Variants in PCDHGA2 observed in about 807,000 individuals in gnomAD.
The protein encoded by PCDHGA2 is protocadherin gamma subfamily A, 2.
A neutral mutation model predicts 59.2 loss-of-function variants in PCDHGA2; 40 were observed. The observed-to-expected ratio is 0.68, with a 90% CI of 0.52 to 0.88. PCDHGA2 has a LOEUF of 0.88. Among genes scored for constraint, PCDHGA2 ranks in the 40% least tolerant of loss-of-function variants. PCDHGA2 has a pLI of 0.00. For synonymous variants in PCDHGA2, 560 were observed against 526.0 expected (o/e 1.06, Z -0.89); for missense variants, 1,226 against 1,204.0 (o/e 1.02, Z -0.27).
chr5:141,460,614 G>A (rs10058360), intron 1 of PCDHGA2, among the ~76,000 whole-genome samples: 42,418 of 151,914 alleles, frequency 0.28, 6,648 homozygotes, highest in African/African-American at 0.43. Flanking sequence ...TAGATGGATA[G>A]ATAGACAGAT....
At chr5:141,483,753 G>A (rs1316976446) in intron 1 of PCDHGA2, among the ~76,000 whole-genome samples, 1 of 152,082 alleles carries the variant, frequency 6.6e-6, no homozygotes, top group Non-Finnish European at 1.5e-5. Flanking sequence ...CCTGAGGATC[G>A]AGGCTTGGAA....
rs1326296096 is a variant in PCDHGA2, at chr5:141,505,460, A to G, written c.2551A>G (p.Met851Val). The change falls in exon 3 of 4, where the codon ATG becomes GTG. Residue 851 changes from methionine to valine, a missense_variant. Transcript: ENST00000394576. Reference protein sequence around the residue: ...NQFDTEMLQAMILASASEAAD... With the variant: ...NQFDTEMLQAVILASASEAAD... ...GTTTGACACAGAGATGCTGCAAGCC[A>G]TGATCTTGGCGTCCGCCAGTGGTAA... 2 of 1,614,070 alleles carry G rather than the reference A, an allele frequency of 1.2e-6. No homozygotes were observed. The highest frequency in any genetic ancestry group is 1.3e-5 in the African/African-American group (1 of 74,942).
At position 141,345,578 on chromosome 5, in the gene PCDHGA2, C is replaced by G. The variant is rs757613840; in HGVS notation, c.2424+4183C>G. 6 of 1,614,090 alleles carry G rather than the reference C, an allele frequency of 3.7e-6. No homozygotes were observed. The African/African-American group carries it at 8.0e-5, about 22-fold the overall frequency. ...TCAACTCCAACACTGGCGTCCTATA[C>G]GCGCTGAGATCCTTCGACTACGAGC... is the stretch of plus-strand genomic sequence containing the variant. On this transcript the variant is annotated intron_variant, in intron 1 of 3. Transcript: ENST00000394576.
chr5:141,414,965 C>T lies in PCDHGA2; in HGVS notation c.2424+73570C>T, dbSNP rs564450666. On this transcript the variant is annotated intron_variant, in intron 1 of 3. Coordinates refer to ENST00000394576, the MANE Select transcript of PCDHGA2 (RefSeq NM_018915.4). ...GGCTACCTGGTGACCAAGGTGGTGG[C>T]GGTGGACAGAGACTCCGGCCAGAAC... The T allele has an allele frequency of 7.9e-5, 127 of 1,613,962 alleles. No homozygotes were observed. The highest frequency in any genetic ancestry group is 7.7e-5 in the Non-Finnish European group (91 of 1,180,046).
chr5:141,339,632 G>A lies in PCDHGA2; in HGVS notation c.661G>A (p.Val221Met). 1 of 1,614,194 alleles carries A rather than the reference G, an allele frequency of 6.2e-7. No homozygotes were observed. Among genetic ancestry groups the A allele is most frequent in the South Asian group, 1.1e-5 (1 of 91,082 alleles). Residue 221 changes from valine to methionine, a missense_variant, in exon 1 of 4, where the codon GTG (valine) becomes ATG (methionine). Coordinates refer to ENST00000394576, the MANE Select transcript of PCDHGA2 (RefSeq NM_018915.4). ...CGTGGCTTCTGATGGGGGTGACCCAGTGCTATCTGGCACCTCCCGCATCTG... is the reference window on the plus strand; with the variant it reads ...CGTGGCTTCTGATGGGGGTGACCCAATGCTATCTGGCACCTCCCGCATCTG... Reference protein sequence around the residue: ...VLVASDGGDPVLSGTSRICVK... With the variant: ...VLVASDGGDPMLSGTSRICVK...
chr5:141,467,008 A>T (rs1319152720), intron 1 of PCDHGA2, among the ~76,000 whole-genome samples: 1 of 150,270 alleles, frequency 6.7e-6, no homozygotes, highest in African/African-American at 2.4e-5. Context: ...TTGCAATGCA[A>T]TTTTTTTCCC....
intron 1 of PCDHGA2, among the ~76,000 whole-genome samples, chr5:141,406,762 A>C (rs942707558): frequency 2.0e-5 from 3 of 152,238 alleles, no homozygotes; most frequent in Non-Finnish European, 4.4e-5. Context: ...CAAGGAATTA[A>C]AAATATTTCT....
chr5:141,418,576 C>T, intron 1 of PCDHGA2: 2 of 1,614,012 alleles, frequency 1.2e-6, no homozygotes, highest in South Asian at 1.1e-5. Flanking sequence ...ATGACAACCC[C>T]CCAGTGTTCA....
rs764987054 is a variant in PCDHGA2, at chr5:141,372,683, C to G, written c.2424+31288C>G. 9 of 1,613,826 alleles carry G rather than the reference C, an allele frequency of 5.6e-6. No homozygotes were observed. In the East Asian group the frequency reaches 1.8e-4, roughly 32 times the overall value. On this transcript the variant is annotated intron_variant, in intron 1 of 3. Transcript: ENST00000394576. ...GTGCTGCCTCACATTCCTCAAACACCGAGTTTAAATTTCTCAATATAAAGG... is the reference window on the plus strand; with the variant it reads ...GTGCTGCCTCACATTCCTCAAACACGGAGTTTAAATTTCTCAATATAAAGG...
At position 141,487,688 on chromosome 5, in the gene PCDHGA2, G is replaced by A. The variant is rs376927186; in HGVS notation, c.2425-7119G>A. On this transcript the variant is annotated intron_variant, in intron 1 of 3. Coordinates refer to ENST00000394576, the MANE Select transcript of PCDHGA2 (RefSeq NM_018915.4). The surrounding 1 kb of genome is among the most constrained non-coding windows in gnomAD (Gnocchi z 5.0). ...AGGCATATGGCTAGGCCATGTCCTA[G>A]AGAGTACTGGCCTCTCAGTAAGTGC... 6.2e-7 allele frequency: 1 copy of A among 1,604,966 alleles called. No homozygotes were observed.
intron 2 of PCDHGA2, among the ~76,000 whole-genome samples, chr5:141,495,233 A>G (rs1226612093): frequency 1.3e-5 from 2 of 152,196 alleles, no homozygotes; most frequent in African/African-American, 4.8e-5. Flanking sequence ...GCTGGGCTCC[A>G]TTATGACCTG....
chr5:141,442,052 G>T (rs2098295034), intron 1 of PCDHGA2: 1 of 197,576 alleles, frequency 5.1e-6, no homozygotes, highest in South Asian at 6.6e-5. Flanking sequence ...TACTGGTCGC[G>T]GTGCACTGCG....
chr5:141,418,045 G>C (rs754041387), intron 1 of PCDHGA2: 2 of 1,614,002 alleles, frequency 1.2e-6, no homozygotes, highest in Admixed American at 1.7e-5. Context: ...TGGATGTGTC[G>C]GCTCGCGAGC....
At position 141,341,005 on chromosome 5, in the gene PCDHGA2, C is replaced by G; in HGVS notation, c.2034C>G (p.Leu678=). 1 of 1,614,106 alleles carries G rather than the reference C, an allele frequency of 6.2e-7. No homozygotes were observed. Among genetic ancestry groups the G allele is most frequent in the Non-Finnish European group, 8.5e-7 (1 of 1,180,000 alleles). Reference sequence around the variant, plus strand: ...ACATCCTGGCCGACCTGGGCAGCCTCGAGCCCTCCGCCATACCCAACGATT... The same window carrying G: ...ACATCCTGGCCGACCTGGGCAGCCTGGAGCCCTCCGCCATACCCAACGATT... ...IPDILADLGS[L]EPSAIPNDSD... is the part of the protein sequence containing the mutation. The change falls in exon 1 of 4, where the codon CTC becomes CTG. Residue 678 remains leucine (L), a synonymous_variant. Coordinates refer to ENST00000394576, the MANE Select transcript of PCDHGA2 (RefSeq NM_018915.4).
intron 1 of PCDHGA2, chr5:141,439,852 G>A (rs182049678): frequency 1.3e-5 from 2 of 152,474 alleles, no homozygotes; most frequent in African/African-American, 4.8e-5. Context: ...CTGTGGAAAA[G>A]GTGGGGAATG....
chr5:141,420,118 T>C (rs2096468123), intron 1 of PCDHGA2: 2 of 1,613,844 alleles, frequency 1.2e-6, no homozygotes, highest in Admixed American at 1.7e-5. Flanking sequence ...ATGCCTATAA[T>C]TTTTGTGTGC....
At chr5:141,387,608 G>C (rs562428819) in intron 1 of PCDHGA2, 221 of 551,402 alleles carry the variant, frequency 4.0e-4, no homozygotes, top group Non-Finnish European at 6.6e-4. Context: ...AGAGGCTGTA[G>C]TTTCCTAGTG....
intron 1 of PCDHGA2, chr5:141,388,678 C>T (rs1347655255): frequency 5.6e-6 from 9 of 1,613,818 alleles, no homozygotes; most frequent in Non-Finnish European, 7.6e-6. Flanking sequence ...CTACAGGTGA[C>T]TGCCACGGAC....
Position 141,494,880 on chromosome 5 carries a change from C to T in PCDHGA2, c.2483+15C>T. On this transcript the variant is annotated intron_variant, in intron 2 of 3. Transcript: ENST00000394576. ...GGCACCAGCGGGTAGGTGACTGATT[C>T]TCCAGCCCACCCTCTTCTCTGCGGC... 3 of 1,614,158 alleles carry T rather than the reference C, an allele frequency of 1.9e-6. No homozygotes were observed. Among genetic ancestry groups the T allele is most frequent in the Non-Finnish European group, 1.7e-6 (2 of 1,180,012 alleles).
Sources: allele counts gnomAD v4.1 joint callset (sites outside exome capture counted in the v4.1 genomes callset), GRCh38; gene constraint gnomAD v4.1.1; non-coding constraint Gnocchi (gnomAD v3.1); transcripts MANE v1.5; gene names NCBI Gene and HGNC (gene_info 2026-07-23, HGNC 2026-07-21).